The following INTS1 variants were observed in gnomAD, a reference collection of about 807,000 sequenced individuals.
INTS1 encodes the protein integrator complex subunit 1.
INTS1 carries 137 observed loss-of-function variants against 241.6 expected under a neutral mutation model. The observed-to-expected ratio is 0.57, with a 90% CI of 0.49 to 0.65. The LOEUF (loss-of-function observed/expected upper bound fraction) is 0.65. Among genes scored for constraint, INTS1 ranks in the 30% least tolerant of loss-of-function variants. The pLI is 0.00. For synonymous variants in INTS1, 1,692 were observed against 1,337.8 expected, an observed-to-expected ratio of 1.26 and a Z score of -5.78; for missense variants, 3,073 against 3,032.2, an observed-to-expected ratio of 1.01 and a Z score of -0.32.
At chr7:1,471,386 T>C (rs1018908321) in intron 45 of INTS1, among the ~76,000 whole-genome samples, 162 bp from the exon 46 acceptor site, 1 of 152,108 alleles carries the variant, frequency 6.6e-6, no homozygotes, top group African/African-American at 2.4e-5. Flanking sequence ...AGCCCGGGGC[T>C]GAAGGCAGGC....
chr7:1,500,142 C>T (rs371831621), intron 4 of INTS1, 28 bp downstream of exon 4: 28 of 1,578,898 alleles, frequency 1.8e-5, no homozygotes, highest in Middle Eastern at 1.7e-4. Context: ...CAGCGCTGCT[C>T]GCCTCCTGCC....
chr7:1,496,298 G>T (rs769272272), intron 11 of INTS1, 34 bp from the exon 12 acceptor site: 12 of 1,530,434 alleles, frequency 7.8e-6, no homozygotes, highest in Non-Finnish European at 1.1e-5. Context: ...TATCCAGAAG[G>T]GACACCCGGG....
chr7:1,480,516 T>C (rs1373836277), intron 29 of INTS1, 75 bp from the exon 30 acceptor site: 11 of 1,501,516 alleles, frequency 7.3e-6, no homozygotes, highest in Middle Eastern at 3.6e-4. Flanking sequence ...GTACAAGCCA[T>C]GGCGAGTCCT....
chr7:1,482,760 CAA>C, intron 26 of INTS1, 53 bp from the exon 27 acceptor site: 1 of 1,590,148 alleles, frequency 6.3e-7, no homozygotes, highest in Non-Finnish European at 8.6e-7. Flanking sequence ...GGCCCAGCCC[CAA>C]GCACCGCTGG....
intron 3 of INTS1, among the ~76,000 whole-genome samples, chr7:1,501,521 T>C (rs566728031): frequency 6.6e-5 from 10 of 152,190 alleles, no homozygotes; most frequent in East Asian, 1.9e-4. Flanking sequence ...AGAATAATAC[T>C]ATAAAGTGAT....
chr7:1,498,502 C>T lies in INTS1; in HGVS notation c.1335G>A (p.Val445=). The T allele has an allele frequency of 6.2e-7, 1 of 1,613,954 alleles. No individual in the cohort carries two copies. The highest frequency in any genetic ancestry group is 8.5e-7 in the Non-Finnish European group (1 of 1,179,890). Reference sequence around the variant, plus strand: ...GGGCGCTGGAGAGCTCATTGAAGATCACCAACTTGATGGTGGTGCCCAGGT... The same window carrying T: ...GGGCGCTGGAGAGCTCATTGAAGATTACCAACTTGATGGTGGTGCCCAGGT... ...KDNLGTTIKL[V]IFNELSSARN... is the part of the protein sequence containing the mutation. Residue 445 remains valine (V), a synonymous_variant, in exon 10 of 48, where the codon GTG becomes GTA. Coordinates refer to ENST00000404767, the MANE Select transcript of INTS1 (RefSeq NM_001080453.3).
chr7:1,476,256 G>T lies in INTS1; in HGVS notation c.5351C>A (p.Ser1784Ter), dbSNP rs1286686353. The change falls in exon 38 of 48, where the codon TCA becomes TAA. Residue 1784 changes from serine (S) to a stop codon, truncating the protein, a stop_gained. Coordinates refer to ENST00000404767, the MANE Select transcript of INTS1 (RefSeq NM_001080453.3). LOFTEE classifies it high-confidence loss of function. ...GTCTCCCCACTGCTGGATGCAGCCT[G>T]ACAGGTGCTCCGTCACCTTCCTGAC... is the stretch of plus-strand genomic sequence containing the variant. ...ESVRKVTEHLSGCIQQWGDSV... is the reference protein window; with the variant it reads ...ESVRKVTEHL 8 of 1,566,108 alleles carry T rather than the reference G, an allele frequency of 5.1e-6. No individual in the cohort carries two copies. The highest frequency in any genetic ancestry group is 6.9e-6 in the Non-Finnish European group (8 of 1,157,106).
chr7:1,471,242 G>T lies in INTS1; in HGVS notation c.6256-18C>A. 6.4e-7 allele frequency: 1 copy of T among 1,562,820 alleles called. No homozygotes were observed. On this transcript the variant is annotated intron_variant, in intron 45 of 47. Coordinates refer to ENST00000404767, the MANE Select transcript of INTS1 (RefSeq NM_001080453.3). ...AGGTTGGTCTGACCGGGGGAAAGGTGGGAGGTGTGTGACCAAGGGGTCCAG... is the reference window on the plus strand; with the variant it reads ...AGGTTGGTCTGACCGGGGGAAAGGTTGGAGGTGTGTGACCAAGGGGTCCAG...
Position 1,482,777 on chromosome 7 carries a change from A to T in INTS1, c.3542-70T>A, listed in dbSNP as rs73275946. 21,413 of 1,550,970 alleles carry T rather than the reference A, an allele frequency of 0.014. 2,149 individuals carry two copies. In the African/African-American group the frequency reaches 0.24, roughly 17 times the overall value. On this transcript the variant is annotated intron_variant, in intron 26 of 47. Coordinates refer to ENST00000404767, the MANE Select transcript of INTS1 (RefSeq NM_001080453.3). Reference sequence around the variant, plus strand: ...CCCAGCCCCAAGCACCGCTGGTGCCAAGGCTAGAGGCACCTCCTCTCCCGA... The same window carrying T: ...CCCAGCCCCAAGCACCGCTGGTGCCTAGGCTAGAGGCACCTCCTCTCCCGA...
rs1554273824 is a variant in INTS1, at chr7:1,474,471, A to AC, written c.5637-112_5637-111insG. ...GGAGCCAGACCCCGTGCTGCCCCCC[A>AC]ACCACCCTCCTGCCCTAAGGAGGTG... is the stretch of plus-strand genomic sequence containing the variant. On this transcript the variant is annotated intron_variant, in intron 40 of 47. Coordinates refer to ENST00000404767, the MANE Select transcript of INTS1 (RefSeq NM_001080453.3). 5 of 1,225,182 alleles carry AC rather than the reference A, an allele frequency of 4.1e-6. 1 individual carries two copies. Among genetic ancestry groups the AC allele is most frequent in the South Asian group, 3.1e-5 (2 of 63,880 alleles). 75.9% of individuals were successfully genotyped at this position (1,225,182 alleles called of 1,614,324 possible).
rs756720497 is a variant in INTS1, at chr7:1,492,030, G to C, written c.2165+980C>G. On this transcript the variant is annotated intron_variant, in intron 16 of 47. Transcript: ENST00000404767. ...TGGAGACTAGGAACCGTCACTCAGCGCTGGCGGGGACGCAAGCGGGAACTC... is the reference window on the plus strand; with the variant it reads ...TGGAGACTAGGAACCGTCACTCAGCCCTGGCGGGGACGCAAGCGGGAACTC... Among the ~76,000 whole-genome samples the C allele has an allele frequency of 1.3e-5, 2 of 152,212 alleles. 1 individual carries two copies. The highest frequency in any genetic ancestry group is 1.3e-4 in the Admixed American group (2 of 15,276).
rs762237128 is a variant in INTS1, at chr7:1,483,988, C to A, written c.3429+15G>T. The A allele has an allele frequency of 1.9e-6, 3 of 1,601,718 alleles. No homozygotes were observed. The Admixed American group carries it at 5.0e-5, about 27-fold the overall frequency. ...CTCCTCGCCCTCACCCGGCCGTAGA[C>A]CTCCTCGCCCTCACCCAGCTGTAGA... On this transcript the variant is annotated intron_variant, in intron 25 of 47. Transcript: ENST00000404767.
intron 1 of INTS1, 37 bp from the exon 2 acceptor site, chr7:1,504,038 A>T: frequency 9.1e-7 from 1 of 1,093,818 alleles, no homozygotes; most frequent in Non-Finnish European, 1.3e-6. Context: ...TCCTTCACTC[A>T]TTCGCTCGTT....
chr7:1,501,380 C>T (rs896816110), intron 3 of INTS1: 16 of 152,074 alleles, frequency 1.1e-4, no homozygotes, highest in African/African-American at 3.6e-4. Context: ...TTAACTGCGC[C>T]CGGGACAGAG....
rs562842152 is a variant in INTS1 at position 1,476,745 on chromosome 7, T to G, written c.5063+49A>C. The G allele has an allele frequency of 2.4e-5, 38 of 1,612,176 alleles. No homozygotes were observed. In the Admixed American group the frequency reaches 6.3e-4, roughly 27 times the overall value. ...AGAGCCGGCGCTGGGAGATTTCTGG[T>G]GAAGGCCAGTATGCGCGCAGCCCAG... is the stretch of plus-strand genomic sequence containing the variant. On this transcript the variant is annotated intron_variant, in intron 36 of 47. Transcript: ENST00000404767.
At chr7:1,492,851 T>TGGGGAGC (rs1782635992) in intron 16 of INTS1, among the ~76,000 whole-genome samples, 159 bp downstream of exon 16, 1 of 86,282 alleles carries the variant, frequency 1.2e-5, no homozygotes, top group African/African-American at 4.5e-5. Context: ...GAGTGGGGAG[T>TGGGGAGC]GGGGAGCGGG....
At chr7:1,495,398 T>C (rs762710730) in intron 13 of INTS1, 35 bp downstream of exon 13, 2 of 1,584,676 alleles carry the variant, frequency 1.3e-6, no homozygotes, top group Admixed American at 1.7e-5. Flanking sequence ...CTCAGTGGGG[T>C]GTGGGACAGG....
Position 1,499,927 on chromosome 7 carries a change from G to A in INTS1, c.641C>T (p.Ala214Val). ...CCAGTTCTCGTCCTCCTCGTAGGCG[G>A]CCATGAGGAGGTTACAGGCCAGCAC... ...VSVLACNLLMAAYEEDENWPE... is the reference protein window; with the variant it reads ...VSVLACNLLMVAYEEDENWPE... The change falls in exon 5 of 48, where the codon GCC (alanine) becomes GTC (valine). Residue 214 changes from alanine (A) to valine (V), a missense_variant. Ala to Val is a moderately conservative substitution (Grantham distance 64). Transcript: ENST00000404767. 6.2e-7 allele frequency: 1 copy of A among 1,613,676 alleles called. No individual in the cohort carries two copies. The highest frequency in any genetic ancestry group is 8.5e-7 in the Non-Finnish European group (1 of 1,179,832).
Position 1,482,643 on chromosome 7 carries a change from G to T in INTS1, c.3606C>A (p.Thr1202=), listed in dbSNP as rs374306599. 25 of 1,612,726 alleles carry T rather than the reference G, an allele frequency of 1.6e-5. No homozygotes were observed. The African/African-American group carries it at 3.3e-4, about 22-fold the overall frequency. Residue 1202 remains threonine (T), a synonymous_variant, in exon 27 of 48, where the codon ACC becomes ACA. Transcript: ENST00000404767. The stretch of plus-strand genomic sequence containing the variant: ...CCTCCGATGTGTCCACCAGGAAGGC[G>T]GTGGGCAGTGGCTTCTCCTCCGGAA... The part of the protein sequence containing the change: ...IWFPEEKPLP[T]AFLVDTSEEA...
Sources: allele counts gnomAD v4.1 joint callset (sites outside exome capture counted in the v4.1 genomes callset), GRCh38; gene constraint gnomAD v4.1.1; transcripts MANE v1.5; gene names NCBI Gene and HGNC (gene_info 2026-07-23, HGNC 2026-07-21).